The following DNAI3 variants were observed in gnomAD, a reference collection of about 807,000 sequenced individuals.
The protein encoded by DNAI3 is WD repeat domain 63.
A neutral mutation model predicts 115.5 loss-of-function variants in DNAI3; 83 were observed. The ratio of observed to expected loss-of-function variants is 0.72; its 90% CI spans 0.60 to 0.86. The LOEUF is 0.86. Among genes scored for constraint, DNAI3 ranks in the 40% least tolerant of loss-of-function variants. DNAI3 has a pLI of 0.00. For synonymous variants in DNAI3, 320 were observed against 347.0 expected, an observed-to-expected ratio of 0.92 and a Z score of 0.86; for missense variants, 1,004 against 1,075.8, an observed-to-expected ratio of 0.93 and a Z score of 0.93.
At chr1:85,091,420 A>T (rs1172153764) in intron 8 of DNAI3, among the ~76,000 whole-genome samples, 1 of 152,206 alleles carries the variant, frequency 6.6e-6, no homozygotes, top group East Asian at 1.9e-4. Flanking sequence ...GAGATGTGGG[A>T]AGGAGAAGCC....
At chr1:85,100,736 A>T (rs1348009315) in intron 13 of DNAI3, among the ~76,000 whole-genome samples, 2 of 152,206 alleles carry the variant, frequency 1.3e-5, no homozygotes, top group African/African-American at 4.8e-5. Context: ...ATGTCCAACA[A>T]TGATAGACTG....
intron 2 of DNAI3, among the ~76,000 whole-genome samples, chr1:85,072,596 C>G (rs531129174): frequency 3.4e-5 from 5 of 147,288 alleles, no homozygotes; most frequent in African/African-American, 1.3e-4. Context: ...GAGCAGAGAT[C>G]GCGCCACTGC....
rs578006174 is a variant in DNAI3 at position 85,128,785 on chromosome 1, C to T, written c.2395C>T (p.Pro799Ser). Residue 799 changes from proline to serine, a missense_variant, in exon 21 of 23, where the codon CCT becomes TCT. Around this residue, in one of 3 missense-constraint regions of DNAI3, gnomAD observed 429 missense variants for 454.3 expected, o/e 0.94. Transcript: ENST00000294664. Reference protein sequence around the residue: ...ILEIPWTLSRPSTNEMASVNH... With the variant: ...ILEIPWTLSRSSTNEMASVNH... ...AGAAATTCCTTGGACATTAAGTCGCCCTTCCACCAATGAGGTTAGTAACTA... is the reference window on the plus strand; with the variant it reads ...AGAAATTCCTTGGACATTAAGTCGCTCTTCCACCAATGAGGTTAGTAACTA... 1.9e-6 allele frequency: 3 copies of T among 1,612,856 alleles called. No individual in the cohort carries two copies. The African/African-American group carries it at 4.0e-5, about 22-fold the overall frequency.
intron 5 of DNAI3, 114 bp downstream of exon 5, chr1:85,082,518 C>G: frequency 1.3e-6 from 1 of 778,512 alleles, no homozygotes; most frequent in Non-Finnish European, 2.1e-6. Context: ...CAATCATGGT[C>G]ACTGCAACGT....
chr1:85,120,160 A>C (rs1655951937), intron 17 of DNAI3, among the ~76,000 whole-genome samples: 1 of 152,182 alleles, frequency 6.6e-6, no homozygotes, highest in Admixed American at 6.5e-5. Flanking sequence ...AACAGACAAA[A>C]TTCCCTGGCC....
At position 85,124,264 on chromosome 1, in the gene DNAI3, C is replaced by A. The variant is rs1439469249; in HGVS notation, c.2112+13C>A. ...AGAAGGTGTTATGGTAAGTTGCCTG[C>A]AAAATGGAAGCATGAGTGTGTGATC... is the stretch of plus-strand genomic sequence containing the variant. On this transcript the variant is annotated intron_variant, in intron 19 of 22. Coordinates refer to ENST00000294664, the MANE Select transcript of DNAI3 (RefSeq NM_145172.5). 6.2e-7 allele frequency: 1 copy of A among 1,613,808 alleles called. No homozygotes were observed. Among genetic ancestry groups the A allele is most frequent in the African/African-American group, 1.3e-5 (1 of 74,834 alleles).
At chr1:85,084,804 T>C in intron 6 of DNAI3, 109 bp downstream of exon 6, 2 of 1,149,704 alleles carry the variant, frequency 1.7e-6, no homozygotes, top group Non-Finnish European at 1.1e-6. Context: ...GCATAGTTTT[T>C]GGTGTGTTGT....
chr1:85,082,620 A>AT (rs377722897), intron 5 of DNAI3, among the ~76,000 whole-genome samples: 8 of 152,056 alleles, frequency 5.3e-5, no homozygotes, highest in African/African-American at 1.9e-4. Flanking sequence ...AATTTTGTTT[A>AT]TTTTTTGTGG....
intron 3 of DNAI3, among the ~76,000 whole-genome samples, chr1:85,073,298 AC>A (rs1654343581): frequency 6.6e-6 from 1 of 152,360 alleles, no homozygotes; most frequent in East Asian, 1.9e-4. Flanking sequence ...ATAAACTTCA[AC>A]CAAGCAGTTA....
At chr1:85,115,911 G>A (rs779616814) in intron 16 of DNAI3, among the ~76,000 whole-genome samples, 12 of 152,152 alleles carry the variant, frequency 7.9e-5, no homozygotes, top group South Asian at 2.1e-4. Flanking sequence ...ACCAGGCCAC[G>A]AACCAGTATC....
chr1:85,072,439 C>T (rs368496449), intron 2 of DNAI3, among the ~76,000 whole-genome samples: 24 of 143,412 alleles, frequency 1.7e-4, no homozygotes, highest in African/African-American at 5.2e-4. Flanking sequence ...GTCAGGAGTT[C>T]GAGACCAGCC....
chr1:85,075,981 A>G (rs1270600031), intron 3 of DNAI3, among the ~76,000 whole-genome samples: 1 of 152,236 alleles, frequency 6.6e-6, no homozygotes, highest in African/African-American at 2.4e-5. Flanking sequence ...TCTGGAAATC[A>G]GGAGTCTGAA....
intron 13 of DNAI3, among the ~76,000 whole-genome samples, chr1:85,101,052 A>G (rs140636983): frequency 1.1e-3 from 166 of 152,130 alleles, no homozygotes; most frequent in East Asian, 6.2e-3. Context: ...CAGCACACCA[A>G]CATGGCACAT....
chr1:85,097,715 T>C (rs1401657510), intron 12 of DNAI3, 60 bp downstream of exon 12: 1 of 1,433,518 alleles, frequency 7.0e-7, no homozygotes, highest in Non-Finnish European at 9.5e-7. Context: ...TATGGAAAAG[T>C]ACATAATATA....
At chr1:85,075,622 T>C (rs1654428844) in intron 3 of DNAI3, among the ~76,000 whole-genome samples, 1 of 152,096 alleles carries the variant, frequency 6.6e-6, no homozygotes, top group Admixed American at 6.5e-5. Flanking sequence ...CTGAGATCCC[T>C]TTTTCTAACA....
At chr1:85,121,858 A>G (rs903160252) in intron 18 of DNAI3, 44 bp downstream of exon 18, 1 of 1,594,650 alleles carries the variant, frequency 6.3e-7, no homozygotes, top group African/African-American at 1.3e-5. Context: ...TGTTCCTTTT[A>G]ATTTAAACTA....
chr1:85,079,111 T>G (rs567218505), intron 3 of DNAI3, among the ~76,000 whole-genome samples: 1 of 152,344 alleles, frequency 6.6e-6, no homozygotes, highest in South Asian at 2.1e-4. Context: ...CAGTCCCACC[T>G]AGTGGTTTTC....
chr1:85,114,460 T>C (rs1049069563), intron 16 of DNAI3, among the ~76,000 whole-genome samples: 1 of 152,188 alleles, frequency 6.6e-6, no homozygotes, highest in African/African-American at 2.4e-5. Flanking sequence ...TCTTTTCCAA[T>C]CTGGATGATT....
rs1398639548 is a variant in DNAI3, at chr1:85,090,198, C to T, written c.823C>T (p.Pro275Ser). The change falls in exon 8 of 23, where the codon CCT becomes TCT. Residue 275 changes from proline to serine, a missense_variant. By Grantham distance (74) the Pro-to-Ser change is moderately conservative (BLOSUM62 -1). Transcript: ENST00000294664. ...EEKETLKQSK[P>S]LVDFLNNASI... ...AAAAGAGACACTCAAACAATCAAAG[C>T]CTTTGGTTGATTTTCTTAACAATGC... The T allele has an allele frequency of 6.3e-7, 1 of 1,579,776 alleles. No homozygotes were observed. Among genetic ancestry groups the T allele is most frequent in the South Asian group, 1.2e-5 (1 of 81,458 alleles).
Sources: allele counts gnomAD v4.1 joint callset (sites outside exome capture counted in the v4.1 genomes callset), GRCh38; gene constraint gnomAD v4.1.1; regional missense constraint gnomAD v4.1.1; transcripts MANE v1.5; gene names NCBI Gene and HGNC (gene_info 2026-07-23, HGNC 2026-07-21).